TTLL9: variants seen among roughly 807,000 people sequenced by gnomAD.
TTLL9 encodes the protein probable tubulin polyglutamylase TTLL9.
In TTLL9, 47 loss-of-function variants were observed where a neutral mutation model predicts 65.6. The ratio of observed to expected loss-of-function variants is 0.72; its 90% confidence interval spans 0.57 to 0.91. The LOEUF (loss-of-function observed/expected upper bound fraction) is 0.91. Ranked by LOEUF, TTLL9 falls within the 40% of genes least tolerant of loss-of-function variation. The probability of loss-of-function intolerance (pLI) is 0.00; values close to 1 mark genes in which losing one functional copy is unlikely to be tolerated. For missense variants in TTLL9, 537 were observed against 568.8 expected, an observed-to-expected ratio of 0.94 and a Z score of 0.57; for synonymous variants, 179 against 204.8, an observed-to-expected ratio of 0.87 and a Z score of 1.07.
chr20:31,926,299 G>A (rs370984458), intron 10 of TTLL9, among the ~76,000 whole-genome samples: 228 of 152,322 alleles, frequency 1.5e-3, no homozygotes, highest in African/African-American at 5.3e-3. Context: ...ATCCTTTTAT[G>A]TGCCTCTTTC....
In TTLL9 at chr20:31,873,832, G is replaced by GAAAGAA. The variant is rs1555800248; in HGVS notation, c.69+2639_69+2644dup. ...AGGAAGGAAGGAAGGAAGAAAGAAA[G>GAAAGAA]AAAGAAAGAAAGAAAGAAAGAAAGA... On this transcript the variant is annotated intron_variant, in intron 2 of 14. Transcript: ENST00000535842. Among the ~76,000 whole-genome samples the GAAAGAA allele has an allele frequency of 8.4e-3, 638 of 75,750 alleles. 8 individuals carry two copies. The highest frequency in any genetic ancestry group is 0.01 in the Non-Finnish European group (330 of 32,750). The allele number at this position is 75,750 out of a possible 152,430, so 49.7% of individuals were successfully genotyped here. A position where few individuals can be genotyped will look rare whatever the true frequency, so the allele number is the denominator to read the frequency against.
At chr20:31,900,849 G>A (rs1203796084) in intron 4 of TTLL9, among the ~76,000 whole-genome samples, 2 of 152,154 alleles carry the variant, frequency 1.3e-5, no homozygotes, top group African/African-American at 2.4e-5. Flanking sequence ...TCCACTCCCT[G>A]CCCCTCTCCT....
intron 2 of TTLL9, among the ~76,000 whole-genome samples, chr20:31,873,737 A>AAAGG (rs71185372): frequency 7.5e-6 from 1 of 133,608 alleles, no homozygotes; most frequent in Non-Finnish European, 1.6e-5. Flanking sequence ...AAAGAAAGAA[A>AAAGG]AAGGAAGGAA....
intron 3 of TTLL9, among the ~76,000 whole-genome samples, chr20:31,890,195 T>C (rs140555143): frequency 7.7e-5 from 11 of 142,908 alleles, no homozygotes; most frequent in African/African-American, 2.4e-4. Context: ...CTTTCTTTCT[T>C]TCTTTCTCTT....
chr20:31,881,436 T>A (rs1335821551), intron 2 of TTLL9, among the ~76,000 whole-genome samples: 1 of 152,130 alleles, frequency 6.6e-6, no homozygotes, highest in Non-Finnish European at 1.5e-5. Flanking sequence ...GACTCCTCCA[T>A]CTTCCTCACA....
chr20:31,926,954 A>T (rs999268759), intron 10 of TTLL9, among the ~76,000 whole-genome samples: 1 of 151,862 alleles, frequency 6.6e-6, no homozygotes, highest in African/African-American at 2.4e-5. Flanking sequence ...AAAAAATAAA[A>T]ATAAAAATAA....
chr20:31,920,229 G>GCACACACA (rs3046855), intron 7 of TTLL9, among the ~76,000 whole-genome samples: 86 of 150,530 alleles, frequency 5.7e-4, no homozygotes, highest in South Asian at 1.3e-3. Context: ...GCAAACACGC[G>GCACACACA]CACACACACA....
intron 4 of TTLL9, among the ~76,000 whole-genome samples, chr20:31,903,882 C>T (rs2063512481): frequency 6.6e-6 from 1 of 152,182 alleles, no homozygotes; most frequent in Non-Finnish European, 1.5e-5. Context: ...TGAATTTCAC[C>T]AGTTTTTTTC....
intron 2 of TTLL9, among the ~76,000 whole-genome samples, chr20:31,873,956 A>G (rs578179562): frequency 6.6e-6 from 1 of 152,368 alleles, no homozygotes; most frequent in East Asian, 1.9e-4. Context: ...CAGCTCTGCG[A>G]TCCTAGGCGG....
At chr20:31,881,733 A>G (rs1222218740) in intron 2 of TTLL9, among the ~76,000 whole-genome samples, 1 of 151,350 alleles carries the variant, frequency 6.6e-6, no homozygotes, top group Non-Finnish European at 1.5e-5. Flanking sequence ...AGCTTCCTGC[A>G]TATCACTTTA....
chr20:31,899,995 C>T lies in TTLL9; in HGVS notation c.206+1430C>T, dbSNP rs142883399. ...CAGGATGGTCTTGATCTCCTGACCT[C>T]GTGATCCGCCCTCCTCGGCCTCCTG... On this transcript the variant is annotated intron_variant, in intron 4 of 14. Coordinates refer to ENST00000535842, the MANE Select transcript of TTLL9 (RefSeq NM_001008409.5). Among the ~76,000 whole-genome samples the T allele has an allele frequency of 3.2e-3, 486 of 152,264 alleles. 2 individuals are homozygous for T. Among genetic ancestry groups the T allele is most frequent in the African/African-American group, 0.011 (466 of 41,550 alleles).
In TTLL9 at chr20:31,937,482, C is replaced by G. The variant is rs538754070; in HGVS notation, c.1091C>G (p.Thr364Ser). The change falls in exon 13 of 15, where the codon ACC becomes AGC. Residue 364 changes from threonine to serine, a missense_variant. Physicochemically the swap from Thr to Ser is moderately conservative, Grantham distance 58. Coordinates refer to ENST00000535842, the MANE Select transcript of TTLL9 (RefSeq NM_001008409.5). ...YELKTCLLED[T>S]LHVVDMEARL... The stretch of plus-strand genomic sequence containing the variant: ...CTCAAGACCTGCCTCCTGGAAGACA[C>G]CCTGCATGTTGTGGACATGGAAGCG... 1.2e-6 allele frequency: 2 copies of G among 1,613,750 alleles called. No homozygotes were observed. Among genetic ancestry groups the G allele is most frequent in the East Asian group, 2.2e-5 (1 of 44,862 alleles).
At position 31,926,041 on chromosome 20, in the gene TTLL9, T is replaced by C. The variant is rs1241598547; in HGVS notation, c.706-8T>C. 1 of 1,613,950 alleles carries C rather than the reference T, an allele frequency of 6.2e-7. No homozygotes were observed. The highest frequency in any genetic ancestry group is 1.3e-5 in the African/African-American group (1 of 75,008). ...GGCCAGTCCCAAGTGAACTCCTTTG[T>C]CCCACAGGTGTTTGCTGAATGCCTG... On this transcript the variant is annotated splice_region_variant and splice_polypyrimidine_tract_variant and intron_variant, in intron 9 of 14. Coordinates refer to ENST00000535842, the MANE Select transcript of TTLL9 (RefSeq NM_001008409.5).
chr20:31,899,229 T>C (rs2063434465), intron 4 of TTLL9, among the ~76,000 whole-genome samples: 1 of 152,236 alleles, frequency 6.6e-6, no homozygotes, highest in South Asian at 2.1e-4. Context: ...TCTGCTTCTG[T>C]CTTTCCATTC....
intron 10 of TTLL9, among the ~76,000 whole-genome samples, chr20:31,929,700 C>T (rs4911540): frequency 0.14 from 21,466 of 152,116 alleles, 2,082 homozygotes; most frequent in East Asian, 0.32. Context: ...TATAGTGACA[C>T]ATAATGCTGC....
intron 11 of TTLL9, 62 bp from the exon 12 acceptor site, chr20:31,934,630 C>T (rs1196490870): frequency 6.9e-7 from 1 of 1,448,752 alleles, no homozygotes; most frequent in Non-Finnish European, 9.4e-7. Flanking sequence ...GTGTAAGGGT[C>T]CTAGCAGGCC....
chr20:31,923,557 C>T (rs988551367), intron 8 of TTLL9, among the ~76,000 whole-genome samples: 4 of 152,154 alleles, frequency 2.6e-5, no homozygotes, highest in Admixed American at 1.3e-4. Context: ...AACTGGGAGT[C>T]ACTGTGGGTA....
intron 10 of TTLL9, among the ~76,000 whole-genome samples, chr20:31,930,206 G>T (rs1374245195): frequency 6.6e-6 from 1 of 152,038 alleles, no homozygotes; most frequent in Non-Finnish European, 1.5e-5. Flanking sequence ...CAGTCCTGGG[G>T]ACAATTGTTT....
At chr20:31,942,520 A>C (rs555541112) in intron 14 of TTLL9, among the ~76,000 whole-genome samples, 83 of 152,288 alleles carry the variant, frequency 5.5e-4, no homozygotes, top group African/African-American at 1.9e-3. Flanking sequence ...AAGCCAGGAG[A>C]AGCAGCAGCG....
Sources: gnomAD v4.1 joint callset for allele counts (sites outside exome capture counted in the v4.1 genomes callset) on GRCh38, gnomAD v4.1.1 for gene constraint, MANE v1.5 for transcripts, NCBI Gene and HGNC (gene_info 2026-07-23, HGNC 2026-07-21) for gene names.